CRTAP: variants seen among roughly 807,000 people sequenced by gnomAD.
The protein encoded by CRTAP is cartilage associated protein.
CRTAP carries 33 observed loss-of-function variants against 42.7 expected under a neutral mutation model. The ratio of observed to expected loss-of-function variants is 0.77; its 90% CI spans 0.59 to 1.03. The LOEUF (loss-of-function observed/expected upper bound fraction) is 1.03. Ranked by LOEUF, CRTAP falls within the 50% of genes least tolerant of loss-of-function variation. The probability of loss-of-function intolerance (pLI) is 0.00; values close to 1 mark genes in which losing one functional copy is unlikely to be tolerated. For missense variants in CRTAP, 613 were observed against 533.9 expected (o/e 1.15, Z -1.46); for synonymous variants, 243 against 217.7 (o/e 1.12, Z -1.02).
In CRTAP at chr3:33,114,099, G is replaced by T. The variant is rs1037477248; in HGVS notation, c.22G>T (p.Ala8Ser). 6.8e-7 allele frequency: 1 copy of T among 1,469,242 alleles called. No homozygotes were observed. 91.0% of individuals were successfully genotyped at this position (1,469,242 alleles called of 1,614,324 possible). Residue 8 changes from alanine (A) to serine (S), a missense_variant, in exon 1 of 7, where the codon GCC (alanine) becomes TCC (serine). Transcript: ENST00000320954. MEPGRRGAAALLALLCVA... is the reference protein window; with the variant it reads MEPGRRGSAALLALLCVA... ...CGCGATGGAGCCGGGGCGCCGGGGGGCCGCGGCGCTGCTAGCGCTGCTGTG... is the reference window on the plus strand; with the variant it reads ...CGCGATGGAGCCGGGGCGCCGGGGGTCCGCGGCGCTGCTAGCGCTGCTGTG...
Position 33,142,582 on chromosome 3 carries a change from C to T in CRTAP, c.*134C>T, listed in dbSNP as rs1377290433. 3.7e-6 allele frequency: 3 copies of T among 802,992 alleles called. No homozygotes were observed. Among genetic ancestry groups the T allele is most frequent in the African/African-American group, 1.7e-5 (1 of 58,572 alleles). The allele number at this position is 802,992 out of a possible 1,614,324, so 49.7% of individuals were successfully genotyped here. On this transcript the variant is annotated 3_prime_UTR_variant, in exon 7 of 7. Transcript: ENST00000320954. ...CAAAGTGAAAGGGAAGCCCCCGTCT[C>T]TCTAACTGCATGTCATCAGGGGTGA...
rs2125607785 is a variant in CRTAP, at chr3:33,142,663, C to G, written c.*215C>G. 1 of 544,976 alleles carries G rather than the reference C, an allele frequency of 1.8e-6. No homozygotes were observed. Among genetic ancestry groups the G allele is most frequent in the East Asian group, 3.1e-5 (1 of 32,032 alleles). 33.8% of individuals were successfully genotyped at this position (544,976 alleles called of 1,614,324 possible). A position where few individuals can be genotyped will look rare whatever the true frequency, so the allele number is the denominator to read the frequency against. ...CTCATGTTCACACCTATCTTTCTCA[C>G]CTTTTTTTTGAGATGGAGTCTCGCT... On this transcript the variant is annotated 3_prime_UTR_variant, in exon 7 of 7. Transcript: ENST00000320954.
At chr3:33,135,196 C>T (rs1455829062) in intron 6 of CRTAP, among the ~76,000 whole-genome samples, 1 of 152,164 alleles carries the variant, frequency 6.6e-6, no homozygotes, top group African/African-American at 2.4e-5. Flanking sequence ...GAAAGTGATG[C>T]AATGCCTATG....
rs2030719837 is a variant in CRTAP at position 33,146,261 on chromosome 3, T to C, written c.*3813T>C. 6.6e-6 allele frequency: 1 copy of C among 152,246 alleles called. No homozygotes were observed. Among genetic ancestry groups the C allele is most frequent in the Non-Finnish European group, 1.5e-5 (1 of 68,050 alleles). 9.4% of individuals were successfully genotyped at this position (152,246 alleles called of 1,614,324 possible). A position where few individuals can be genotyped will look rare whatever the true frequency, so the allele number is the denominator to read the frequency against. On this transcript the variant is annotated 3_prime_UTR_variant, in exon 7 of 7. Coordinates refer to ENST00000320954, the MANE Select transcript of CRTAP (RefSeq NM_006371.5). ...GCTTCCAGGCCTGCTCTAAGATGCCTTGCTTGTCCTTTGACCCATCAGCAT... is the reference window on the plus strand; with the variant it reads ...GCTTCCAGGCCTGCTCTAAGATGCCCTGCTTGTCCTTTGACCCATCAGCAT...
At chr3:33,129,807 G>T in intron 3 of CRTAP, 132 bp from the exon 4 acceptor site, 1 of 775,502 alleles carries the variant, frequency 1.3e-6, no homozygotes, top group Non-Finnish European at 2.2e-6. Context: ...GAAGTGCTGG[G>T]ATTACAGGCG....
At chr3:33,126,478 G>A (rs2030076293) in intron 3 of CRTAP, among the ~76,000 whole-genome samples, 2 of 152,148 alleles carry the variant, frequency 1.3e-5, no homozygotes, top group Non-Finnish European at 2.9e-5. Context: ...GGCTTGAACA[G>A]GCTCGGTTTG....
At position 33,120,431 on chromosome 3, in the gene CRTAP, T is replaced by C. The variant is rs780691605; in HGVS notation, c.559T>C (p.Tyr187His). 1 of 1,613,244 alleles carries C rather than the reference T, an allele frequency of 6.2e-7. No individual in the cohort carries two copies. Among genetic ancestry groups the C allele is most frequent in the Admixed American group, 1.7e-5 (1 of 60,012 alleles). Residue 187 changes from tyrosine (Y) to histidine (H), a missense_variant, in exon 2 of 7, where the codon TAT becomes CAT. By Grantham distance (83) the Tyr-to-His change is moderately conservative. Transcript: ENST00000320954. ...DDEMMKRNMAYYKSLPGAEDY... is the reference protein window; with the variant it reads ...DDEMMKRNMAHYKSLPGAEDY... ...CGAAATGATGAAGAGGAACATGGCATATTATAAGAGCCTGCCTGGTGCCGA... is the reference window on the plus strand; with the variant it reads ...CGAAATGATGAAGAGGAACATGGCACATTATAAGAGCCTGCCTGGTGCCGA...
intron 4 of CRTAP, 146 bp from the exon 5 acceptor site, chr3:33,132,409 C>T: frequency 8.8e-7 from 1 of 1,140,202 alleles, no homozygotes; most frequent in Non-Finnish European, 1.3e-6. Context: ...GTGGCCTGCC[C>T]ACCCAGGGCT....
At chr3:33,120,629 T>C (rs1258223948) in intron 2 of CRTAP, 136 bp downstream of exon 2, 1 of 1,345,610 alleles carries the variant, frequency 7.4e-7, no homozygotes, top group African/African-American at 1.5e-5. Context: ...ACAATAGAAA[T>C]GATTGACTTT....
In CRTAP at chr3:33,147,004, A is replaced by G. The variant is rs569244253; in HGVS notation, c.*4556A>G. 2 of 152,784 alleles carry G rather than the reference A, an allele frequency of 1.3e-5. No homozygotes were observed. Among genetic ancestry groups the G allele is most frequent in the Non-Finnish European group, 2.9e-5 (2 of 68,034 alleles). The allele number at this position is 152,784 out of a possible 1,614,324, so 9.5% of individuals were successfully genotyped here. A position where few individuals can be genotyped will look rare whatever the true frequency, so the allele number is the denominator to read the frequency against. On this transcript the variant is annotated 3_prime_UTR_variant, in exon 7 of 7. Coordinates refer to ENST00000320954, the MANE Select transcript of CRTAP (RefSeq NM_006371.5). ...ACTGCAACACAGTTTGTAGCAAGGC[A>G]CTGAGAAAAACCCACAACTAATCCT...
intron 2 of CRTAP, among the ~76,000 whole-genome samples, chr3:33,122,209 C>T (rs778551070): frequency 8.6e-5 from 13 of 152,024 alleles, no homozygotes; most frequent in Non-Finnish European, 1.5e-4. Context: ...TCACTGGAGC[C>T]CTTTTGGGGT....
At chr3:33,123,636 T>G (rs1186435942) in intron 2 of CRTAP, among the ~76,000 whole-genome samples, 15 of 146,316 alleles carry the variant, frequency 1.0e-4, no homozygotes, top group African/African-American at 2.8e-4. Context: ...TTTTTTTTTT[T>G]TTTTTTTTTT....
At chr3:33,116,964 G>A (rs573726657) in intron 1 of CRTAP, among the ~76,000 whole-genome samples, 12 of 152,188 alleles carry the variant, frequency 7.9e-5, no homozygotes, top group Middle Eastern at 3.4e-3. Flanking sequence ...AAAATTAGCC[G>A]GGTGTGGTGG....
intron 3 of CRTAP, 115 bp downstream of exon 3, chr3:33,124,694 A>G: frequency 2.4e-6 from 3 of 1,249,572 alleles, no homozygotes; most frequent in Non-Finnish European, 3.5e-6. Flanking sequence ...ATTTTTGAGC[A>G]TACTTATTAA....
intron 2 of CRTAP, 94 bp downstream of exon 2, chr3:33,120,587 G>C (rs2029869303): frequency 6.5e-7 from 1 of 1,539,974 alleles, no homozygotes; most frequent in East Asian, 2.5e-5. Context: ...AGGACCTCTA[G>C]TGATTTTTGG....
chr3:33,126,651 C>T (rs1397484416), intron 3 of CRTAP, among the ~76,000 whole-genome samples: 3 of 152,302 alleles, frequency 2.0e-5, no homozygotes, highest in East Asian at 1.9e-4. Flanking sequence ...TGAGACAAGT[C>T]TCAATCAATT....
chr3:33,116,177 C>T (rs1701341136), intron 1 of CRTAP, among the ~76,000 whole-genome samples: 1 of 152,086 alleles, frequency 6.6e-6, no homozygotes, highest in African/African-American at 2.4e-5. Flanking sequence ...TGAATTTGAA[C>T]AAGTGTTACA....
chr3:33,121,943 C>T (rs2029884700), intron 2 of CRTAP, among the ~76,000 whole-genome samples: 2 of 152,148 alleles, frequency 1.3e-5, no homozygotes, highest in Admixed American at 1.3e-4. Context: ...CTCCCGTGGT[C>T]CCTCATGCCT....
intron 2 of CRTAP, among the ~76,000 whole-genome samples, chr3:33,122,316 C>T (rs1197884958): frequency 6.6e-6 from 1 of 151,960 alleles, no homozygotes; most frequent in Non-Finnish European, 1.5e-5. Flanking sequence ...AACCAGCTGT[C>T]TGGAGTTGGC....
Sources: gnomAD v4.1 joint callset for allele counts (sites outside exome capture counted in the v4.1 genomes callset) on GRCh38, gnomAD v4.1.1 for gene constraint, MANE v1.5 for transcripts, NCBI Gene and HGNC (gene_info 2026-07-23, HGNC 2026-07-21) for gene names.